The following GUCY1A1 variants were observed in gnomAD, a reference collection of about 807,000 sequenced individuals.
GUCY1A1 encodes guanylate cyclase soluble subunit alpha-1.
GUCY1A1 carries 48 observed loss-of-function variants against 64.5 expected under a neutral mutation model. That is an observed-to-expected ratio of 0.74 (90% confidence interval 0.59 to 0.95). The LOEUF (loss-of-function observed/expected upper bound fraction) is 0.95. Among genes scored for constraint, GUCY1A1 ranks in the 40% least tolerant of loss-of-function variants. The pLI is 0.00. For synonymous variants in GUCY1A1, 308 were observed against 303.4 expected (o/e 1.02, Z -0.16); for missense variants, 804 against 825.3 (o/e 0.97, Z 0.32).
At chr4:155,719,289 G>A (rs1733661097) in intron 8 of GUCY1A1, among the ~76,000 whole-genome samples, 1 of 152,134 alleles carries the variant, frequency 6.6e-6, no homozygotes, top group East Asian at 1.9e-4. Flanking sequence ...GGAAATATCT[G>A]ACGTCCCTAA....
intron 4 of GUCY1A1, 43 bp from the exon 5 acceptor site, chr4:155,708,193 T>C (rs1230327930): frequency 3.2e-6 from 3 of 926,338 alleles, no homozygotes; most frequent in Non-Finnish European, 5.3e-6. Context: ...ACTTTTAGCA[T>C]GTATTTATAA....
chr4:155,732,235 TGAG>T lies in GUCY1A1; in HGVS notation c.*2006_*2008del, dbSNP rs1262477622. 28 of 151,880 alleles carry T rather than the reference TGAG, an allele frequency of 1.8e-4. No individual in the cohort carries two copies. Among genetic ancestry groups the T allele is most frequent in the Non-Finnish European group, 7.4e-5 (5 of 67,864 alleles). The allele number at this position is 151,880 out of a possible 1,614,324, so 9.4% of individuals were successfully genotyped here. ...TGTATTAGCATATACACAAAACAAA[TGAG>T]GGGAATGTATATAATCTTGGTGAAA... On this transcript the variant is annotated 3_prime_UTR_variant, in exon 10 of 10. Coordinates refer to ENST00000506455, the MANE Select transcript of GUCY1A1 (RefSeq NM_001130682.3).
At position 155,730,162 on chromosome 4, in the gene GUCY1A1, A is replaced by G; in HGVS notation, c.2004A>G (p.Pro668=). 1.2e-6 allele frequency: 2 copies of G among 1,611,916 alleles called. No individual in the cohort carries two copies. Among genetic ancestry groups the G allele is most frequent in the Non-Finnish European group, 1.7e-6 (2 of 1,178,450 alleles). ...DAYQQGTNSK[P]CFQKKDVEDG... ...ACCAACAAGGAACAAACTCAAAACC[A>G]TGCTTCCAAAAGAAAGATGTGGAAG... Residue 668 remains proline, a synonymous_variant, in exon 10 of 10, where the codon CCA becomes CCG. Transcript: ENST00000506455.
chr4:155,703,589 A>G (rs568063797), intron 3 of GUCY1A1, among the ~76,000 whole-genome samples: 1 of 152,276 alleles, frequency 6.6e-6, no homozygotes, highest in South Asian at 2.1e-4. Context: ...CCTATATTGC[A>G]GAAGACCTAA....
chr4:155,725,363 T>C (rs1055948218), intron 9 of GUCY1A1, among the ~76,000 whole-genome samples: 1 of 152,066 alleles, frequency 6.6e-6, no homozygotes. Context: ...ATGGTCCTAC[T>C]GGGTATAATA....
chr4:155,676,300 G>GTTTTT (rs10532055), intron 2 of GUCY1A1, among the ~76,000 whole-genome samples: 4 of 140,926 alleles, frequency 2.8e-5, no homozygotes, highest in African/African-American at 8.3e-5. Flanking sequence ...AGAAGAGCTG[G>GTTTTT]TTTTTTTTTT....
intron 2 of GUCY1A1, among the ~76,000 whole-genome samples, chr4:155,680,177 T>A (rs187529966): frequency 6.6e-6 from 1 of 152,336 alleles, no homozygotes; most frequent in African/African-American, 2.4e-5. Flanking sequence ...ATGGTATATA[T>A]CTCTCCATAT....
intron 2 of GUCY1A1, among the ~76,000 whole-genome samples, chr4:155,672,224 T>C (rs561142379): frequency 2.0e-5 from 3 of 152,262 alleles, no homozygotes; most frequent in Admixed American, 6.5e-5. Context: ...TTCTGAGTCC[T>C]TGATACAGAA....
intron 7 of GUCY1A1, among the ~76,000 whole-genome samples, chr4:155,716,860 T>TG (rs528052826): frequency 1.6e-3 from 237 of 151,994 alleles, no homozygotes; most frequent in African/African-American, 3.8e-3. Context: ...TCTTATATGG[T>TG]GAAAAAAAAG....
At position 155,713,102 on chromosome 4, in the gene GUCY1A1, T is replaced by C. The variant is rs775447574; in HGVS notation, c.1091T>C (p.Met364Thr). Residue 364 changes from methionine (M) to threonine (T), a missense_variant, in exon 7 of 10, where the codon ATG (methionine) becomes ACG (threonine). Physicochemically the swap from Met to Thr is moderately conservative, Grantham distance 81. Transcript: ENST00000506455. ...TGGTTATCCTTTCCTTCATAGGTTA[T>C]GGACCTCAAAGGCCAAATGATCTAC... ...DNSVKKSSRV[M>T]DLKGQMIYIV... is the part of the protein sequence containing the mutation. 6.8e-6 allele frequency: 11 copies of C among 1,608,382 alleles called. No individual in the cohort carries two copies. In the Admixed American group the frequency reaches 1.5e-4, roughly 22 times the overall value.
At chr4:155,714,434 T>A (rs917116040) in intron 7 of GUCY1A1, among the ~76,000 whole-genome samples, 1 of 152,220 alleles carries the variant, frequency 6.6e-6, no homozygotes, top group Non-Finnish European at 1.5e-5. Flanking sequence ...CCCTGATACC[T>A]TTTCTTTTTA....
At chr4:155,693,082 G>C (rs1305638570) in intron 2 of GUCY1A1, among the ~76,000 whole-genome samples, 1 of 151,902 alleles carries the variant, frequency 6.6e-6, no homozygotes, top group Non-Finnish European at 1.5e-5. Context: ...AAAAGTTCAT[G>C]CTTCATTAAA....
At chr4:155,724,750 G>C (rs986374459) in intron 9 of GUCY1A1, among the ~76,000 whole-genome samples, 1 of 151,924 alleles carries the variant, frequency 6.6e-6, no homozygotes, top group Non-Finnish European at 1.5e-5. Context: ...GAACTTTTAT[G>C]ACTCTAACTA....
chr4:155,698,664 A>G (rs1202159285), intron 3 of GUCY1A1, among the ~76,000 whole-genome samples: 1 of 152,188 alleles, frequency 6.6e-6, no homozygotes, highest in East Asian at 1.9e-4. Context: ...CGACAGAGCG[A>G]GACTCTGTCT....
intron 2 of GUCY1A1, among the ~76,000 whole-genome samples, chr4:155,686,921 T>C (rs548642542): frequency 6.6e-6 from 1 of 152,312 alleles, no homozygotes; most frequent in African/African-American, 2.4e-5. Context: ...GCAAATTCTA[T>C]AATTTTTTAG....
At position 155,696,797 on chromosome 4, in the gene GUCY1A1, G is replaced by T. The variant is rs113213277; in HGVS notation, c.-71G>T. On this transcript the variant is annotated 5_prime_UTR_variant, in exon 3 of 10. Coordinates refer to ENST00000506455, the MANE Select transcript of GUCY1A1 (RefSeq NM_001130682.3). ...TGTCCTTGAATTGATAGTGGCTTCT[G>T]TTTGTCAGTCTCATATAAGAACTAC... 1,858 of 1,438,946 alleles carry T rather than the reference G, an allele frequency of 1.3e-3. 19 individuals carry two copies. In the African/African-American group the frequency reaches 0.021, roughly 16 times the overall value. 89.1% of individuals were successfully genotyped at this position (1,438,946 alleles called of 1,614,324 possible). A position where few individuals can be genotyped will look rare whatever the true frequency, so the allele number is the denominator to read the frequency against.
rs1178983268 is a variant in GUCY1A1 at position 155,717,254 on chromosome 4, G to C, written c.1668G>C (p.Met556Ile). The C allele has an allele frequency of 5.0e-6, 8 of 1,598,668 alleles. No individual in the cohort carries two copies. The highest frequency in any genetic ancestry group is 6.8e-6 in the Non-Finnish European group (8 of 1,170,720). Reference sequence around the variant, plus strand: ...AGATAGCGCTGATGGCCCTGAAGATGATGGAGCTCTCTGATGAAGTTATGT... The same window carrying C: ...AGATAGCGCTGATGGCCCTGAAGATCATGGAGCTCTCTGATGAAGTTATGT... ...AVQIALMALK[M>I]MELSDEVMSP... Residue 556 changes from methionine (M) to isoleucine (I), a missense_variant, in exon 8 of 10, where the codon ATG (methionine) becomes ATC (isoleucine). Coordinates refer to ENST00000506455, the MANE Select transcript of GUCY1A1 (RefSeq NM_001130682.3).
At chr4:155,701,775 C>T (rs1015172447) in intron 3 of GUCY1A1, among the ~76,000 whole-genome samples, 3 of 143,934 alleles carry the variant, frequency 2.1e-5, no homozygotes, top group African/African-American at 7.7e-5. Context: ...GCACTCCAGC[C>T]TGGATGACAG....
intron 2 of GUCY1A1, among the ~76,000 whole-genome samples, chr4:155,679,587 G>A (rs1435450379): frequency 6.6e-6 from 1 of 152,100 alleles, no homozygotes; most frequent in Non-Finnish European, 1.5e-5. Context: ...GAACTCACTG[G>A]CTATCGTGAG....
Sources: allele counts gnomAD v4.1 joint callset (sites outside exome capture counted in the v4.1 genomes callset), GRCh38; gene constraint gnomAD v4.1.1; transcripts MANE v1.5; gene names NCBI Gene and HGNC (gene_info 2026-07-23, HGNC 2026-07-21).